CACNG2: variants seen among roughly 807,000 people sequenced by gnomAD.
The protein encoded by CACNG2 is calcium voltage-gated channel auxiliary subunit gamma 2.
In CACNG2, 3 loss-of-function variants were observed where a neutral mutation model predicts 25.9. The observed-to-expected ratio is 0.12, with a 90% CI of 0.05 to 0.30. The LOEUF (loss-of-function observed/expected upper bound fraction) is 0.30. Among genes scored for constraint, CACNG2 ranks in the 10% least tolerant of loss-of-function variants. The pLI is 1.00. For missense variants in CACNG2, 341 were observed against 432.5 expected (o/e 0.79, Z 1.88); for synonymous variants, 167 against 173.3 (o/e 0.96, Z 0.29).
chr22:36,658,301 C>G (rs1936738313), intron 1 of CACNG2, among the ~76,000 whole-genome samples: 1 of 152,138 alleles, frequency 6.6e-6, no homozygotes, highest in African/African-American at 2.4e-5. Context: ...AGACAAGAAT[C>G]CAAGATCAAG....
chr22:36,594,912 G>T (rs944188063), intron 1 of CACNG2, among the ~76,000 whole-genome samples: 1 of 151,334 alleles, frequency 6.6e-6, no homozygotes, highest in Non-Finnish European at 1.5e-5. Flanking sequence ...GTGTGTGCAT[G>T]TGTGTGTCTG....
chr22:36,613,751 C>T (rs1935980195), intron 1 of CACNG2, among the ~76,000 whole-genome samples: 1 of 152,072 alleles, frequency 6.6e-6, no homozygotes, highest in South Asian at 2.1e-4. Context: ...GGCTGTCCCC[C>T]CGTGAATATC....
chr22:36,632,693 C>A (rs1003658984), intron 1 of CACNG2, among the ~76,000 whole-genome samples: 5 of 152,032 alleles, frequency 3.3e-5, no homozygotes, highest in Admixed American at 6.6e-5. Flanking sequence ...TTCTCACTTG[C>A]CTTCGGGCAC....
At chr22:36,631,105 A>G (rs1936262918) in intron 1 of CACNG2, among the ~76,000 whole-genome samples, 1 of 152,162 alleles carries the variant, frequency 6.6e-6, no homozygotes. Context: ...CTTGGATTAC[A>G]GGCGTGAGCC....
chr22:36,691,578 T>C (rs1387188172), intron 1 of CACNG2, among the ~76,000 whole-genome samples: 1 of 152,136 alleles, frequency 6.6e-6, no homozygotes, highest in Non-Finnish European at 1.5e-5. Context: ...ATGGAAGATA[T>C]AATTAGTGTC....
intron 1 of CACNG2, among the ~76,000 whole-genome samples, chr22:36,637,744 G>A (rs1233470759): frequency 6.6e-6 from 1 of 152,156 alleles, no homozygotes; most frequent in African/African-American, 2.4e-5. Context: ...TCCTGGCCAG[G>A]TGCGGTGGCT....
intron 1 of CACNG2, among the ~76,000 whole-genome samples, chr22:36,699,996 G>A (rs1044783411): frequency 1.1e-4 from 16 of 152,242 alleles, no homozygotes; most frequent in East Asian, 3.8e-4. Context: ...AAGCGGGCCC[G>A]GAGCTCCAGC....
intron 2 of CACNG2, 145 bp downstream of exon 2, chr22:36,587,320 T>C: frequency 1.4e-6 from 1 of 731,466 alleles, no homozygotes; most frequent in Non-Finnish European, 2.5e-6. Flanking sequence ...TGAAGGTCTG[T>C]ACTCCGGAAA....
intron 2 of CACNG2, among the ~76,000 whole-genome samples, chr22:36,573,757 C>A (rs1340849101): frequency 6.6e-6 from 1 of 152,204 alleles, no homozygotes; most frequent in African/African-American, 2.4e-5. Flanking sequence ...CTAACCACTG[C>A]ATTCCCTTCT....
intron 1 of CACNG2, among the ~76,000 whole-genome samples, chr22:36,646,514 T>G (rs1169325353): frequency 6.6e-6 from 1 of 152,202 alleles, no homozygotes; most frequent in African/African-American, 2.4e-5. Context: ...ATTTGTTTTT[T>G]AAAATCCCAT....
intron 2 of CACNG2, among the ~76,000 whole-genome samples, chr22:36,583,800 C>A (rs560940050): frequency 6.6e-6 from 1 of 152,128 alleles, no homozygotes; most frequent in Non-Finnish European, 1.5e-5. Flanking sequence ...GTGTCTAAAT[C>A]GGTCATTCCC....
chr22:36,605,229 C>A (rs1935812806), intron 1 of CACNG2, among the ~76,000 whole-genome samples: 1 of 152,164 alleles, frequency 6.6e-6, no homozygotes, highest in Admixed American at 6.5e-5. Context: ...TGCCCACCAC[C>A]ATGCCCGGCT....
intron 1 of CACNG2, among the ~76,000 whole-genome samples, chr22:36,649,691 T>C (rs2145973913): frequency 6.6e-6 from 1 of 152,284 alleles, no homozygotes; most frequent in South Asian, 2.1e-4. Context: ...AAGGACCCAG[T>C]GGGAGGTAAC....
rs558274683 is a variant in CACNG2 at position 36,703,365 on chromosome 22, G to A, written c.-789C>T. On this transcript the variant is annotated 5_prime_UTR_variant, in exon 1 of 4. Transcript: ENST00000300105. ...TAGTGTTGGCGAAGTGGGGGAGAGA[G>A]GGGGTTTCTCCTGGAGAATCGAGGC... 12 of 153,396 alleles carry A rather than the reference G, an allele frequency of 7.8e-5. No homozygotes were observed. Among genetic ancestry groups the A allele is most frequent in the African/African-American group, 2.9e-4 (12 of 41,388 alleles). 9.5% of individuals were successfully genotyped at this position (153,396 alleles called of 1,614,324 possible).
chr22:36,561,400 AGG>A lies in CACNG2; in HGVS notation c.*2949_*2950del, dbSNP rs2145899443. The A allele has an allele frequency of 6.6e-6, 1 of 152,326 alleles. No homozygotes were observed. Among genetic ancestry groups the A allele is most frequent in the East Asian group, 1.9e-4 (1 of 5,192 alleles). The allele number at this position is 152,326 out of a possible 1,614,324, so 9.4% of individuals were successfully genotyped here. A position where few individuals can be genotyped will look rare whatever the true frequency, so the allele number is the denominator to read the frequency against. ...TAGAGTTCAGTTTCTGCCCAGACTGAGGGCAACTTGGTTGTTGTTACCACACC... is the reference window on the plus strand; with the variant it reads ...TAGAGTTCAGTTTCTGCCCAGACTGAGCAACTTGGTTGTTGTTACCACACC... On this transcript the variant is annotated 3_prime_UTR_variant, in exon 4 of 4. Transcript: ENST00000300105.
At position 36,564,449 on chromosome 22, in the gene CACNG2, T is replaced by G; in HGVS notation, c.874A>C (p.Arg292=). ...TGAACCTGGAGGAAGCTGTTATCCCTGTCGGAGTTGTAGGTGGCGGTGGGC... is the reference window on the plus strand; with the variant it reads ...TGAACCTGGAGGAAGCTGTTATCCCGGTCGGAGTTGTAGGTGGCGGTGGGC... ...TTPTATYNSD[R]DNSFLQVHNC... is the part of the protein sequence containing the mutation. The change falls in exon 4 of 4, where the codon AGG becomes CGG. Residue 292 remains arginine (R), a synonymous_variant. Coordinates refer to ENST00000300105, the MANE Select transcript of CACNG2 (RefSeq NM_006078.5). The surrounding 1 kb of genome is among the most constrained non-coding windows in gnomAD (Gnocchi z 6.7). 6.2e-7 allele frequency: 1 copy of G among 1,614,144 alleles called. No homozygotes were observed. The highest frequency in any genetic ancestry group is 8.5e-7 in the Non-Finnish European group (1 of 1,180,008).
chr22:36,660,706 C>G (rs1336684489), intron 1 of CACNG2, among the ~76,000 whole-genome samples: 1 of 152,194 alleles, frequency 6.6e-6, no homozygotes, highest in Non-Finnish European at 1.5e-5. Context: ...CACAAAGTGC[C>G]CCAGTTGAAA....
In CACNG2 at chr22:36,564,610, C is replaced by T. The variant is rs1199237613; in HGVS notation, c.713G>A (p.Arg238His). ...SYRYRYQRRS[R>H]SSSRSTEPSH... ...GGGCTCCGTGGAGCGCGAGCTGGAGCGGCTGCGGCGCTGGTAGCGGTAGCG... is the reference window on the plus strand; with the variant it reads ...GGGCTCCGTGGAGCGCGAGCTGGAGTGGCTGCGGCGCTGGTAGCGGTAGCG... Residue 238 changes from arginine to histidine, a missense_variant, in exon 4 of 4, where the codon CGC becomes CAC. Transcript: ENST00000300105. The surrounding 1 kb of genome is among the most constrained non-coding windows in gnomAD (Gnocchi z 6.7). The T allele has an allele frequency of 1.1e-5, 18 of 1,613,732 alleles. No individual in the cohort carries two copies. Among genetic ancestry groups the T allele is most frequent in the Non-Finnish European group, 1.4e-5 (17 of 1,179,974 alleles).
chr22:36,702,835 G>GTT lies in CACNG2; in HGVS notation c.-261_-260dup, dbSNP rs779839866. 1,185 of 229,680 alleles carry GTT rather than the reference G, an allele frequency of 5.2e-3. 17 individuals carry two copies. Among genetic ancestry groups the GTT allele is most frequent in the African/African-American group, 0.027 (1,096 of 40,804 alleles). 14.2% of individuals were successfully genotyped at this position (229,680 alleles called of 1,614,324 possible). On this transcript the variant is annotated 5_prime_UTR_variant, in exon 1 of 4. Coordinates refer to ENST00000300105, the MANE Select transcript of CACNG2 (RefSeq NM_006078.5). ...GATCAGAAACTGTTCCAGTTGCAGTGTTTTTTTTTTAAAAAGAAAAGGAAA... is the reference window on the plus strand; with the variant it reads ...GATCAGAAACTGTTCCAGTTGCAGTGTTTTTTTTTTTTAAAAAGAAAAGGAAA...
Sources: allele counts gnomAD v4.1 joint callset (sites outside exome capture counted in the v4.1 genomes callset), GRCh38; gene constraint gnomAD v4.1.1; non-coding constraint Gnocchi (gnomAD v3.1); transcripts MANE v1.5; gene names NCBI Gene and HGNC (gene_info 2026-07-23, HGNC 2026-07-21).